Variants in ARMC2 observed in about 807,000 individuals in gnomAD.
ARMC2 encodes the protein armadillo repeat-containing protein 2.
ARMC2 carries 67 observed loss-of-function variants against 90.3 expected under a neutral mutation model. The observed-to-expected ratio is 0.74, with a 90% confidence interval of 0.61 to 0.91. The LOEUF is 0.91. Ranked by LOEUF, ARMC2 falls within the 40% of genes least tolerant of loss-of-function variation. The pLI is 0.00. For synonymous variants in ARMC2, 393 were observed against 393.0 expected (o/e 1.00, Z 0.00); for missense variants, 920 against 1,030.9 (o/e 0.89, Z 1.47).
At chr6:109,049,406 A>C in the ARMC2 span, among the ~76,000 whole-genome samples, 1 of 152,128 alleles carries the variant, frequency 6.6e-6, no homozygotes, top group African/African-American at 2.4e-5. Flanking sequence ...GGGAATATGA[A>C]GAGATCTGCT....
At chr6:108,879,256 C>G (rs975193573) in intron 5 of ARMC2, among the ~76,000 whole-genome samples, 2 of 151,808 alleles carry the variant, frequency 1.3e-5, no homozygotes, top group Non-Finnish European at 1.5e-5. Context: ...ATTCACCCAT[C>G]CATCCACCTG....
chr6:108,987,278 AAC>A, the ARMC2 span: 1 of 340,824 alleles, frequency 2.9e-6, no homozygotes, highest in Non-Finnish European at 5.3e-6. Flanking sequence ...GCTGTATTAA[AAC>A]AGTTACACAG....
At chr6:108,964,733 T>A (rs1583226858) in intron 16 of ARMC2, among the ~76,000 whole-genome samples, 1 of 151,350 alleles carries the variant, frequency 6.6e-6, no homozygotes, top group African/African-American at 2.4e-5. Flanking sequence ...GAGGTTGCGG[T>A]GAGCCGAGAT....
At chr6:109,039,177 A>G in the ARMC2 span, among the ~76,000 whole-genome samples, 1 of 152,052 alleles carries the variant, frequency 6.6e-6, no homozygotes, top group Admixed American at 6.6e-5. Context: ...AGAAAGAAGA[A>G]GAAGAAAGAA....
At chr6:108,998,491 T>A in the ARMC2 span, 1 of 1,612,448 alleles carries the variant, frequency 6.2e-7, no homozygotes. Context: ...TTTATGACAA[T>A]CTCATGACAA....
chr6:108,976,059 G>C (rs978122135), downstream of ARMC2, among the ~76,000 whole-genome samples: 8 of 152,244 alleles, frequency 5.3e-5, no homozygotes, highest in African/African-American at 1.9e-4. Flanking sequence ...TGATGTCTTA[G>C]TCATGAAGTC....
chr6:108,894,655 G>A, intron 6 of ARMC2, 112 bp downstream of exon 6: 2 of 878,166 alleles, frequency 2.3e-6, no homozygotes, highest in Non-Finnish European at 3.3e-6. Flanking sequence ...TGTCCAATTT[G>A]GTCACAAATC....
chr6:108,935,846 T>G (rs1338687417), intron 11 of ARMC2, among the ~76,000 whole-genome samples: 4 of 152,134 alleles, frequency 2.6e-5, no homozygotes, highest in Non-Finnish European at 5.9e-5. Context: ...GTTCTTACAT[T>G]TCCAAAAAAA....
rs1205056763 is a variant in ARMC2, at chr6:108,971,920, C to CA, written c.2447-1419dup. Among the ~76,000 whole-genome samples the CA allele has an allele frequency of 6.0e-3, 438 of 73,458 alleles. 1 individual carries two copies. The highest frequency in any genetic ancestry group is 0.01 in the African/African-American group (183 of 17,812). 48.2% of individuals were successfully genotyped at this position (73,458 alleles called of 152,430 possible). ...TGGGTGACACAGCGAGAGTCCATCT[C>CA]AAAAAAAAAAAAAAAAAAGTGTTGG... is the stretch of plus-strand genomic sequence containing the variant. On this transcript the variant is annotated intron_variant, in intron 17 of 17. Coordinates refer to ENST00000392644, the MANE Select transcript of ARMC2 (RefSeq NM_032131.6).
At chr6:108,872,902 A>T (rs548278971) in intron 4 of ARMC2, among the ~76,000 whole-genome samples, 1 of 152,146 alleles carries the variant, frequency 6.6e-6, no homozygotes, top group African/African-American at 2.4e-5. Context: ...CCTACCCCTC[A>T]TCTTCTTGGA....
At chr6:108,936,848 T>C (rs1017878751) in intron 11 of ARMC2, 52 bp from the exon 12 acceptor site, 102 of 1,449,612 alleles carry the variant, frequency 7.0e-5, no homozygotes, top group Non-Finnish European at 9.3e-5. Flanking sequence ...TGTACTTGAA[T>C]TTTATAGAAA....
chr6:108,895,938 G>C (rs907687435), intron 6 of ARMC2, among the ~76,000 whole-genome samples: 1 of 152,106 alleles, frequency 6.6e-6, no homozygotes, highest in Non-Finnish European at 1.5e-5. Flanking sequence ...GTTAATATCT[G>C]ACCAAACTAG....
intron 3 of ARMC2, among the ~76,000 whole-genome samples, chr6:108,864,765 G>A (rs1434088525): frequency 1.3e-5 from 2 of 152,112 alleles, no homozygotes; most frequent in Non-Finnish European, 2.9e-5. Context: ...CCAAGGTGAC[G>A]GTGCTTGGAA....
the ARMC2 span, among the ~76,000 whole-genome samples, chr6:109,040,687 C>T: frequency 1.4e-3 from 206 of 150,256 alleles, no homozygotes; most frequent in African/African-American, 4.8e-3. Flanking sequence ...CAGTCTCGCT[C>T]TGTCGCCCAG....
intron 5 of ARMC2, 126 bp from the exon 6 acceptor site, chr6:108,894,341 C>T: frequency 1.3e-6 from 1 of 782,882 alleles, no homozygotes. Flanking sequence ...TGTTCTCTAG[C>T]CTGGATGACA....
chr6:108,882,769 G>A (rs768904448), intron 5 of ARMC2, among the ~76,000 whole-genome samples: 4 of 145,202 alleles, frequency 2.8e-5, no homozygotes, highest in African/African-American at 4.8e-5. Flanking sequence ...CTCTGCTAAC[G>A]CTGTCTTACT....
At chr6:108,891,574 C>T (rs1481587328) in intron 5 of ARMC2, among the ~76,000 whole-genome samples, 1 of 152,124 alleles carries the variant, frequency 6.6e-6, no homozygotes, top group Non-Finnish European at 1.5e-5. Flanking sequence ...CTGTTCATAT[C>T]CTTCATCCAC....
At chr6:109,009,634 C>G in the ARMC2 span, 2 of 894,228 alleles carry the variant, frequency 2.2e-6, no homozygotes, top group Non-Finnish European at 2.7e-6. Flanking sequence ...GGCGGCCACG[C>G]AAGCCAATGC....
intron 17 of ARMC2, among the ~76,000 whole-genome samples, chr6:108,966,071 C>T (rs1369458236): frequency 6.8e-6 from 1 of 146,286 alleles, no homozygotes; most frequent in Non-Finnish European, 1.5e-5. Flanking sequence ...AATCCTTTTT[C>T]CCAAATAGAG....
Sources: gnomAD v4.1 joint callset for allele counts (sites outside exome capture counted in the v4.1 genomes callset) on GRCh38, gnomAD v4.1.1 for gene constraint, MANE v1.5 for transcripts, NCBI Gene and HGNC (gene_info 2026-07-23, HGNC 2026-07-21) for gene names.